CAMSAP1: variants seen among roughly 807,000 people sequenced by gnomAD.
CAMSAP1 encodes calmodulin-regulated spectrin-associated protein 1.
Under a neutral mutation model 143.5 loss-of-function variants are expected in CAMSAP1, and 58 were observed. The observed-to-expected ratio is 0.40, with a 90% CI of 0.33 to 0.50. The LOEUF (loss-of-function observed/expected upper bound fraction) is 0.50, where lower values mean the gene tolerates loss of function less well. CAMSAP1 is among the 20% of genes least tolerant of loss of function. The pLI, the probability that CAMSAP1 is intolerant of heterozygous loss-of-function variation, is 0.45. For synonymous variants in CAMSAP1, 945 were observed against 859.3 expected (o/e 1.10, Z -1.74); for missense variants, 1,969 against 2,115.7 (o/e 0.93, Z 1.36).
In CAMSAP1 at chr9:135,868,088, C is replaced by T. The variant is rs1393070544; in HGVS notation, c.586-1552G>A. Among the ~76,000 whole-genome samples, 5 of 150,384 alleles carry T rather than the reference C, an allele frequency of 3.3e-5. No homozygotes were observed. The South Asian group carries it at 1.0e-3, about 31-fold the overall frequency. ...GTCAACCTAAAATTTTATATCCAGCCGTATATTTGGAAAATGAAAGCAAAA... is the reference window on the plus strand; with the variant it reads ...GTCAACCTAAAATTTTATATCCAGCTGTATATTTGGAAAATGAAAGCAAAA... On this transcript the variant is annotated intron_variant, in intron 3 of 16. Coordinates refer to ENST00000389532, the MANE Select transcript of CAMSAP1 (RefSeq NM_015447.4).
chr9:135,841,111 G>A lies in CAMSAP1; in HGVS notation c.1045+9026C>T, dbSNP rs576144988. ...TAAGATCCACTGGCTTGAAATTCTC[G>A]CTGCCAGCACAGTAGTCTGAAGTCG... On this transcript the variant is annotated intron_variant, in intron 7 of 16. Coordinates refer to ENST00000389532, the MANE Select transcript of CAMSAP1 (RefSeq NM_015447.4). Among the ~76,000 whole-genome samples the A allele has an allele frequency of 7.8e-3, 1,184 of 152,254 alleles. 23 individuals are homozygous for A. The highest frequency in any genetic ancestry group is 0.027 in the African/African-American group (1,126 of 41,530).
In CAMSAP1 at chr9:135,821,426, G is replaced by A. The variant is rs920891309; in HGVS notation, c.3235C>T (p.Leu1079Phe). 1.9e-6 allele frequency: 3 copies of A among 1,613,950 alleles called. No homozygotes were observed. Among genetic ancestry groups the A allele is most frequent in the Non-Finnish European group, 2.5e-6 (3 of 1,179,910 alleles). ...TGGCCAGCCACGCCCGTGGGAGAGA[G>A]TGGCTCCACGAAGTGGACTGGTGCC... ...VKAPVHFVEP[L>F]SPTGVAGHRK... Residue 1079 changes from leucine (L) to phenylalanine (F), a missense_variant, in exon 11 of 17, where the codon CTC becomes TTC. By Grantham distance (22) the Leu-to-Phe change is conservative. Coordinates refer to ENST00000389532, the MANE Select transcript of CAMSAP1 (RefSeq NM_015447.4). This position sits in a 1 kb window ranked among gnomAD's most constrained non-coding sequence, Gnocchi z 4.6.
At chr9:135,879,099 G>A (rs1015129325) in intron 3 of CAMSAP1, among the ~76,000 whole-genome samples, 1 of 152,086 alleles carries the variant, frequency 6.6e-6, no homozygotes, top group Non-Finnish European at 1.5e-5. Context: ...GAGGAGGAGG[G>A]GAGTGGAGGG....
Position 135,882,902 on chromosome 9 carries a change from C to T in CAMSAP1, c.337G>A (p.Ala113Thr). The T allele has an allele frequency of 1.9e-6, 3 of 1,551,720 alleles. No individual in the cohort carries two copies. The highest frequency in any genetic ancestry group is 2.6e-6 in the Non-Finnish European group (3 of 1,147,006). ...ALQGHQSVIQ[A>T]LSRKGIYVME... is the part of the protein sequence containing the mutation. Reference sequence around the variant, plus strand: ...ACATAGATCCCTTTCCGGGACAGGGCCTGGATGACAGACTGGTGTCCCTGT... The same window carrying T: ...ACATAGATCCCTTTCCGGGACAGGGTCTGGATGACAGACTGGTGTCCCTGT... The change falls in exon 2 of 17, where the codon GCC becomes ACC. Residue 113 changes from alanine to threonine, a missense_variant. By Grantham distance (58) the Ala-to-Thr change is moderately conservative. This residue lies in a region of CAMSAP1 where 215 missense variants were observed against 196.2 expected (regional missense o/e 1.10). Transcript: ENST00000389532. This position sits in a 1 kb window ranked among gnomAD's most constrained non-coding sequence, Gnocchi z 4.9.
Position 135,822,643 on chromosome 9 carries a change from T to C in CAMSAP1, c.2018A>G (p.Glu673Gly). ...CCCACCACAGACCTCTCCTGCGGTT[T>C]CCACTGACAGTGGTCCTGTCTCGGT... ...DPTETGPLSV[E>G]TAGEVCGGPL... The change falls in exon 11 of 17, where the codon GAA becomes GGA. Residue 673 changes from glutamate (E) to glycine (G), a missense_variant. By Grantham distance (98) the Glu-to-Gly change is moderately conservative. Transcript: ENST00000389532. This position sits in a 1 kb window ranked among gnomAD's most constrained non-coding sequence, Gnocchi z 6.1. The C allele has an allele frequency of 1.2e-6, 2 of 1,609,432 alleles. No homozygotes were observed. The highest frequency in any genetic ancestry group is 1.7e-6 in the Non-Finnish European group (2 of 1,177,292).
intron 14 of CAMSAP1, 118 bp from the exon 15 acceptor site, chr9:135,816,123 T>C: frequency 1.2e-6 from 1 of 848,066 alleles, no homozygotes; most frequent in Non-Finnish European, 1.9e-6. Context: ...GAGGAGGCTT[T>C]CGGTGACGGT....
rs369385299 is a variant in CAMSAP1 at position 135,846,772 on chromosome 9, A to G, written c.1045+3365T>C. On this transcript the variant is annotated intron_variant, in intron 7 of 16. Transcript: ENST00000389532. ...GAAGACATATATGCGGCCGACAAAC[A>G]TAAGAAAAAAAGCTCATCATCACTG... 5.8e-4 allele frequency among the ~76,000 whole-genome samples: 88 copies of G among 152,278 alleles called. No individual in the cohort carries two copies. The South Asian group carries it at 7.5e-3, about 13-fold the overall frequency.
At chr9:135,873,191 T>A (rs1243712383) in intron 3 of CAMSAP1, among the ~76,000 whole-genome samples, 2 of 152,208 alleles carry the variant, frequency 1.3e-5, no homozygotes, top group Non-Finnish European at 2.9e-5. Context: ...AACCTCTCTT[T>A]AAGTATCTGA....
chr9:135,865,895 T>C (rs1271277378), intron 4 of CAMSAP1, among the ~76,000 whole-genome samples: 1 of 152,218 alleles, frequency 6.6e-6, no homozygotes, highest in Non-Finnish European at 1.5e-5. Flanking sequence ...GGCTGCATCT[T>C]GTGTGCACTG....
At position 135,820,944 on chromosome 9, in the gene CAMSAP1, G is replaced by A. The variant is rs373341551; in HGVS notation, c.3717C>T (p.Ser1239=). 6.1e-5 allele frequency: 99 copies of A among 1,613,680 alleles called. No homozygotes were observed. Among genetic ancestry groups the A allele is most frequent in the African/African-American group, 1.6e-4 (12 of 75,046 alleles). The change falls in exon 11 of 17, where the codon TCC becomes TCT. Residue 1239 remains serine, a synonymous_variant. Transcript: ENST00000389532. This position sits in a 1 kb window ranked among gnomAD's most constrained non-coding sequence, Gnocchi z 4.4. ...CATCCTCGTCGGGGGCCTTCAGGTC[G>A]GAGAGGTCCACTTCAATGAGGCTGG... ...SRASLIEVDL[S]DLKAPDEDGE...
At position 135,811,557 on chromosome 9, in the gene CAMSAP1, A is replaced by T. The variant is rs1197270812; in HGVS notation, c.4561T>A (p.Cys1521Ser). Reference sequence around the variant, plus strand: ...TAGCAGTAAAGCGCCCTGAACTGGCAGCCAGCATCACGAAACAGTATGATG... The same window carrying T: ...TAGCAGTAAAGCGCCCTGAACTGGCTGCCAGCATCACGAAACAGTATGATG... ...HYIILFRDAG[C>S]QFRALYCYYP... Residue 1521 changes from cysteine to serine, a missense_variant, in exon 17 of 17, where the codon TGC becomes AGC. Around this residue, in one of 4 missense-constraint regions of CAMSAP1, gnomAD observed 143 missense variants for 200.6 expected, o/e 0.71. Transcript: ENST00000389532. This position sits in a 1 kb window ranked among gnomAD's most constrained non-coding sequence, Gnocchi z 4.9. 6.2e-7 allele frequency: 1 copy of T among 1,603,078 alleles called. No homozygotes were observed. Among genetic ancestry groups the T allele is most frequent in the Non-Finnish European group, 8.5e-7 (1 of 1,174,536 alleles).
intron 7 of CAMSAP1, among the ~76,000 whole-genome samples, chr9:135,830,486 G>A (rs1455889041): frequency 1.3e-5 from 2 of 152,228 alleles, no homozygotes; most frequent in African/African-American, 4.8e-5. Context: ...TCAACAGAAA[G>A]CTGTAACAAC....
At chr9:135,875,776 A>G (rs1207331075) in intron 3 of CAMSAP1, among the ~76,000 whole-genome samples, 5 of 152,240 alleles carry the variant, frequency 3.3e-5, no homozygotes, top group Admixed American at 3.3e-4. Context: ...ATCATTCATA[A>G]AAATGAACTC....
rs561227293 is a variant in CAMSAP1, at chr9:135,821,012, C to T, written c.3649G>A (p.Gly1217Arg). ...TCCTCCACGGGGACGCTCTCTTTTC[C>T]CGAGACATCTGAGGAGCTGGACCCC... ...EVGSSSSDVS[G>R]KESVPVEEPL... The change falls in exon 11 of 17, where the codon GGA (glycine) becomes AGA (arginine). Residue 1217 changes from glycine (G) to arginine (R), a missense_variant. This residue lies in a region of CAMSAP1 where 1,390 missense variants were observed against 1,420.8 expected (regional missense o/e 0.98). Transcript: ENST00000389532. This position sits in a 1 kb window ranked among gnomAD's most constrained non-coding sequence, Gnocchi z 4.6. 59 of 1,613,048 alleles carry T rather than the reference C, an allele frequency of 3.7e-5. No individual in the cohort carries two copies. In the South Asian group the frequency reaches 6.3e-4, roughly 17 times the overall value.
At chr9:135,900,234 G>A (rs557699488) in intron 1 of CAMSAP1, among the ~76,000 whole-genome samples, 308 of 152,016 alleles carry the variant, frequency 2.0e-3, no homozygotes, top group Non-Finnish European at 3.1e-3. Flanking sequence ...CTGTTGCCCA[G>A]GCTGGTCTCA....
intron 16 of CAMSAP1, among the ~76,000 whole-genome samples, chr9:135,813,701 TC>T (rs1168084721): frequency 6.6e-6 from 1 of 152,210 alleles, no homozygotes; most frequent in East Asian, 1.9e-4. Context: ...CAGAGCTCGC[TC>T]CCAGTCACTC....
chr9:135,889,300 G>A (rs1838221851), intron 1 of CAMSAP1, among the ~76,000 whole-genome samples: 1 of 151,856 alleles, frequency 6.6e-6, no homozygotes, highest in Non-Finnish European at 1.5e-5. Context: ...CCTCCAACAG[G>A]ACCCACGGCC....
rs779583368 is a variant in CAMSAP1, at chr9:135,822,617, G to A, written c.2044C>T (p.Pro682Ser). Residue 682 changes from proline (P) to serine (S), a missense_variant, in exon 11 of 17, where the codon CCT becomes TCT. Coordinates refer to ENST00000389532, the MANE Select transcript of CAMSAP1 (RefSeq NM_015447.4). This position sits in a 1 kb window ranked among gnomAD's most constrained non-coding sequence, Gnocchi z 6.1. ...VETAGEVCGGPLALGGFDPFP... is the reference protein window; with the variant it reads ...VETAGEVCGGSLALGGFDPFP... Reference sequence around the variant, plus strand: ...GGATCGAATCCGCCAAGGGCCAGAGGCCCACCACAGACCTCTCCTGCGGTT... The same window carrying A: ...GGATCGAATCCGCCAAGGGCCAGAGACCCACCACAGACCTCTCCTGCGGTT... The A allele has an allele frequency of 1.9e-6, 3 of 1,612,938 alleles. No individual in the cohort carries two copies. The highest frequency in any genetic ancestry group is 2.5e-6 in the Non-Finnish European group (3 of 1,179,450).
intron 7 of CAMSAP1, among the ~76,000 whole-genome samples, chr9:135,847,821 C>T (rs1276638034): frequency 2.8e-5 from 1 of 36,192 alleles, no homozygotes; most frequent in Non-Finnish European, 4.9e-5. Context: ...GCAGGTTGTG[C>T]ACAAGTATCC....
Sources: gnomAD v4.1 joint callset for allele counts (sites outside exome capture counted in the v4.1 genomes callset) on GRCh38, gnomAD v4.1.1 for gene constraint, gnomAD v4.1.1 regional missense constraint, Gnocchi (gnomAD v3.1) non-coding constraint, MANE v1.5 for transcripts, NCBI Gene and HGNC (gene_info 2026-07-23, HGNC 2026-07-21) for gene names.